The following OBSL1 variants were observed in gnomAD, a reference collection of about 807,000 sequenced individuals.
The protein encoded by OBSL1 is obscurin like cytoskeletal adaptor 1, also known as obscurin-like protein 1.
In OBSL1, 160 loss-of-function variants were observed where a neutral mutation model predicts 172.0. The ratio of observed to expected loss-of-function variants is 0.93; its 90% CI spans 0.82 to 1.06. OBSL1 has a LOEUF of 1.06. Among genes scored for constraint, OBSL1 ranks in the 50% least tolerant of loss-of-function variants. OBSL1 has a pLI of 0.00. For synonymous variants in OBSL1, 1,200 were observed against 1,196.3 expected (o/e 1.00, Z -0.06); for missense variants, 2,681 against 2,715.4 (o/e 0.99, Z 0.28).
At position 219,562,535 on chromosome 2, in the gene OBSL1, C is replaced by G; in HGVS notation, c.2820G>C (p.Glu940Asp). 1 of 1,613,958 alleles carries G rather than the reference C, an allele frequency of 6.2e-7. No individual in the cohort carries two copies. The highest frequency in any genetic ancestry group is 8.5e-7 in the Non-Finnish European group (1 of 1,179,892). ...CCTTCTGCAGGAGCAGCGCGGGGCT[C>G]TCCACCACCTCCTCTCCATCCTTGG... ...RWTKDGEEVV[E>D]SPALLLQKED... Residue 940 changes from glutamate to aspartate, a missense_variant, in exon 8 of 21, where the codon GAG (glutamate) becomes GAC (aspartate). Glu to Asp is a conservative substitution (Grantham distance 45, BLOSUM62 2). Coordinates refer to ENST00000404537, the MANE Select transcript of OBSL1 (RefSeq NM_015311.3).
chr2:219,551,440 G>T, intron 20 of OBSL1, 89 bp downstream of exon 20: 2 of 1,440,676 alleles, frequency 1.4e-6, no homozygotes, highest in Non-Finnish European at 1.9e-6. Flanking sequence ...GCCACCCCAA[G>T]TTCTGGAAAG....
Position 219,567,487 on chromosome 2 carries a change from G to A in OBSL1, c.1623C>T (p.Pro541=), listed in dbSNP as rs752506766. The A allele has an allele frequency of 1.1e-5, 17 of 1,613,390 alleles. No individual in the cohort carries two copies. The East Asian group carries it at 1.1e-4, about 11-fold the overall frequency. Residue 541 remains proline, a synonymous_variant, in exon 4 of 21, where the codon CCC becomes CCT. Coordinates refer to ENST00000404537, the MANE Select transcript of OBSL1 (RefSeq NM_015311.3). ...KNTVLLTWKP[P]EPAPETPFIY... ...TGAATGGGGTCTCGGGAGCTGGCTC[G>A]GGAGGCTTCCAGGTCAACAGGACCG...
At chr2:219,555,892 G>A (rs558367673) in intron 14 of OBSL1, 128 bp downstream of exon 14, 3 of 1,476,152 alleles carry the variant, frequency 2.0e-6, no homozygotes, top group Non-Finnish European at 2.7e-6. Flanking sequence ...AGCTGCTGCT[G>A]GGACGGCCAT....
In OBSL1 at chr2:219,570,405, C is replaced by T; in HGVS notation, c.828G>A (p.Glu276=). Residue 276 remains glutamate, a synonymous_variant, in exon 1 of 21, where the codon GAG becomes GAA. Transcript: ENST00000404537. The part of the protein sequence containing the change: ...RCYVMGKPEP[E]IEWHWEGRPL... ...GGCGGCCCTCCCAGTGCCATTCGATCTCGGGCTCGGGCTTGCCCATCACGT... is the reference window on the plus strand; with the variant it reads ...GGCGGCCCTCCCAGTGCCATTCGATTTCGGGCTCGGGCTTGCCCATCACGT... The T allele has an allele frequency of 6.2e-7, 1 of 1,613,266 alleles. No homozygotes were observed. Among genetic ancestry groups the T allele is most frequent in the South Asian group, 1.1e-5 (1 of 91,084 alleles).
Position 219,550,856 on chromosome 2 carries a change from A to C in OBSL1, c.5684-14T>G. On this transcript the variant is annotated splice_polypyrimidine_tract_variant and intron_variant, in intron 20 of 20. Coordinates refer to ENST00000404537, the MANE Select transcript of OBSL1 (RefSeq NM_015311.3). ...TCTCCTAGTTGCCTGCAGAGGAATGACTCCACATGGGGCTGGGGAGAGAAG... is the reference window on the plus strand; with the variant it reads ...TCTCCTAGTTGCCTGCAGAGGAATGCCTCCACATGGGGCTGGGGAGAGAAG... The C allele has an allele frequency of 3.1e-6, 5 of 1,598,658 alleles. No individual in the cohort carries two copies. Among genetic ancestry groups the C allele is most frequent in the Non-Finnish European group, 4.3e-6 (5 of 1,173,908 alleles).
rs777459986 is a variant in OBSL1, at chr2:219,562,640, C to A, written c.2715G>T (p.Lys905Asn). Residue 905 changes from lysine to asparagine, a missense_variant, in exon 8 of 21, where the codon AAG becomes AAT. By Grantham distance (94) the Lys-to-Asn change is moderately conservative. Coordinates refer to ENST00000404537, the MANE Select transcript of OBSL1 (RefSeq NM_015311.3). ...CCAGGCGCACGGCTGCCACATACAC[C>A]TTGCCGCTGGGATACACGATCCACG... ...VSSWIVYPSG[K>N]VYVAAVRLER... is the part of the protein sequence containing the mutation. 6.4e-6 allele frequency: 10 copies of A among 1,572,758 alleles called. No individual in the cohort carries two copies. The highest frequency in any genetic ancestry group is 7.8e-6 in the Non-Finnish European group (9 of 1,159,918).
Position 219,568,170 on chromosome 2 carries a change from G to T in OBSL1, c.1167C>A (p.Ile389=), listed in dbSNP as rs771196625. The T allele has an allele frequency of 2.5e-6, 4 of 1,613,656 alleles. No individual in the cohort carries two copies. Among genetic ancestry groups the T allele is most frequent in the African/African-American group, 2.7e-5 (2 of 74,948 alleles). The change falls in exon 2 of 21, where the codon ATC becomes ATA. Residue 389 remains isoleucine, a synonymous_variant. Coordinates refer to ENST00000404537, the MANE Select transcript of OBSL1 (RefSeq NM_015311.3). This position sits in a 1 kb window ranked among gnomAD's most constrained non-coding sequence, Gnocchi z 4.1. ...TGAGGCGCCGGACAGTGCCCTCTTC[G>T]ATCTGCTCGTACTTGCGGCAGGGCA... ...RLLPCRKYEQ[I]EEGTVRRLII...
Position 219,551,096 on chromosome 2 carries a change from GA to G in OBSL1, c.5684-255del. ...GATGTCTCTTATGGGGAAGAGGAAA[GA>G]AAGAGGCTTCTGCCAAGGCTGACAT... is the stretch of plus-strand genomic sequence containing the variant. On this transcript the variant is annotated intron_variant, in intron 20 of 20. Transcript: ENST00000404537. 3 of 1,411,720 alleles carry G rather than the reference GA, an allele frequency of 2.1e-6. No individual in the cohort carries two copies. The South Asian group carries it at 4.7e-5, about 22-fold the overall frequency. 87.4% of individuals were successfully genotyped at this position (1,411,720 alleles called of 1,614,324 possible).
Position 219,562,408 on chromosome 2 carries a change from C to T in OBSL1, c.2947G>A (p.Val983Ile), listed in dbSNP as rs373898297. The T allele has an allele frequency of 7.3e-5, 118 of 1,613,294 alleles. 1 individual carries two copies. The highest frequency in any genetic ancestry group is 5.9e-4 in the South Asian group (54 of 91,042). The change falls in exon 8 of 21, where the codon GTC becomes ATC. Residue 983 changes from valine to isoleucine, a missense_variant. By Grantham distance (29) the Val-to-Ile change is conservative. This residue lies in a region of OBSL1 where 1,765 missense variants were observed against 1,748.3 expected (regional missense o/e 1.01). Coordinates refer to ENST00000404537, the MANE Select transcript of OBSL1 (RefSeq NM_015311.3). ...DDESASFTVT[V>I]TEPPVRIIYP... ...AGCTGGGCTGGGCCCACACCTGTGA[C>T]GGTGACAGTGAAGGAGGCCGACTCA...
intron 14 of OBSL1, chr2:219,555,257 T>G (rs1168838510): frequency 6.4e-6 from 1 of 155,130 alleles, no homozygotes; most frequent in Non-Finnish European, 1.4e-5. Flanking sequence ...AATTTTCATG[T>G]TATCTCAGTT....
Position 219,568,292 on chromosome 2 carries a change from C to T in OBSL1, c.1045G>A (p.Asp349Asn), listed in dbSNP as rs1411938991. The change falls in exon 2 of 21, where the codon GAC becomes AAC. Residue 349 changes from aspartate to asparagine, a missense_variant. Asp to Asn is a conservative substitution (Grantham distance 23, BLOSUM62 1). Transcript: ENST00000404537. The surrounding 1 kb of genome is among the most constrained non-coding windows in gnomAD (Gnocchi z 4.1). Reference protein sequence around the residue: ...PRLRFTRPLQDVEGREHGIAV... With the variant: ...PRLRFTRPLQNVEGREHGIAV... The stretch of plus-strand genomic sequence containing the variant: ...ATCCCGTGCTCACGGCCCTCCACGT[C>T]CTGCAGGGGCCGTGTGAACCGGAGG... 1.2e-6 allele frequency: 2 copies of T among 1,607,662 alleles called. No individual in the cohort carries two copies. The highest frequency in any genetic ancestry group is 1.7e-6 in the Non-Finnish European group (2 of 1,177,330).
rs1461033359 is a variant in OBSL1, at chr2:219,563,565, A to T, written c.2470T>A (p.Cys824Ser). 2.5e-6 allele frequency: 4 copies of T among 1,609,818 alleles called. No individual in the cohort carries two copies. The Middle Eastern group carries it at 6.6e-4, about 266-fold the overall frequency. The change falls in exon 7 of 21, where the codon TGT becomes AGT. Residue 824 changes from cysteine to serine, a missense_variant. By Grantham distance (112) the Cys-to-Ser change is moderately radical. Transcript: ENST00000404537. ...TCCACCTCACAGGCCAGCATGACAC[A>T]CTCGGAAGTTATGGCATGCACGAAC... ...HVFVHAITSE[C>S]VMLACEVDRE...
chr2:219,558,596 C>T, intron 9 of OBSL1, 137 bp from the exon 10 acceptor site: 1 of 1,067,376 alleles, frequency 9.4e-7, no homozygotes, highest in Non-Finnish European at 1.3e-6. Context: ...GGAGCAGCTG[C>T]TGTGTGCCAG....
In OBSL1 at chr2:219,557,965, G is replaced by A. The variant is rs905697174; in HGVS notation, c.3648C>T (p.Gly1216=). The A allele has an allele frequency of 1.8e-5, 29 of 1,608,840 alleles. No individual in the cohort carries two copies. The highest frequency in any genetic ancestry group is 2.2e-5 in the East Asian group (1 of 44,754). ...WSHNGRPVQE[G]EGLELHAEGP... is the part of the protein sequence containing the mutation. ...CCTCGGCATGGAGCTCTAGGCCCTC[G>A]CCCTCCTGCACGGGCCTCCCATTGT... The change falls in exon 11 of 21, where the codon GGC becomes GGT. Residue 1216 remains glycine (G), a synonymous_variant. Transcript: ENST00000404537.
chr2:219,562,258 G>T, intron 8 of OBSL1, 144 bp downstream of exon 8: 1 of 1,012,332 alleles, frequency 9.9e-7, no homozygotes, highest in Non-Finnish European at 1.5e-6. Flanking sequence ...AGGGGCCCTG[G>T]GCTCATCTCA....
chr2:219,558,299 C>T lies in OBSL1; in HGVS notation c.3387G>A (p.Leu1129=). 1 of 1,612,208 alleles carries T rather than the reference C, an allele frequency of 6.2e-7. No homozygotes were observed. The highest frequency in any genetic ancestry group is 2.2e-5 in the East Asian group (1 of 44,838). Residue 1129 remains leucine, a synonymous_variant, in exon 10 of 21, where the codon CTG becomes CTA. Transcript: ENST00000404537. Reference sequence around the variant, plus strand: ...GGGTGCGGGTGGGCCCCTCGGCACCCAGCTGCAGGGCATCTGATGCCTCCA... The same window carrying T: ...GGGTGCGGGTGGGCCCCTCGGCACCTAGCTGCAGGGCATCTGATGCCTCCA... ...LEVEASDALQ[L]GAEGPTRTLT... is the part of the protein sequence containing the mutation.
Position 219,554,554 on chromosome 2 carries a change from T to C in OBSL1, c.4796A>G (p.Asn1599Ser). Residue 1599 changes from asparagine (N) to serine (S), a missense_variant, in exon 15 of 21, where the codon AAT becomes AGT. Physicochemically the swap from Asn to Ser is conservative, Grantham distance 46. This residue lies in a region of OBSL1 where 1,765 missense variants were observed against 1,748.3 expected (regional missense o/e 1.01). Coordinates refer to ENST00000404537, the MANE Select transcript of OBSL1 (RefSeq NM_015311.3). ...GCCTGAGTCGGCCAGGCCCAGGCCA[T>C]TGAGTACCAGTCGGTGACGGTGGCC... is the stretch of plus-strand genomic sequence containing the variant. Reference protein sequence around the residue: ...SDGHRHRLVLNGLGLADSGCV... With the variant: ...SDGHRHRLVLSGLGLADSGCV... 6.2e-7 allele frequency: 1 copy of C among 1,613,504 alleles called. No homozygotes were observed. The highest frequency in any genetic ancestry group is 8.5e-7 in the Non-Finnish European group (1 of 1,179,868).
chr2:219,549,692 C>G (rs762258872), downstream of OBSL1: 26 of 1,610,206 alleles, frequency 1.6e-5, no homozygotes, highest in Middle Eastern at 1.7e-4. Flanking sequence ...CGGTGGGACT[C>G]ACACCTATGT....
downstream of OBSL1, chr2:219,547,774 C>A (rs375582524): frequency 1.9e-6 from 3 of 1,593,754 alleles, no homozygotes. Flanking sequence ...AGCCAGGCTC[C>A]GTGTGGGGTC....
Sources: gnomAD v4.1 joint callset for allele counts on GRCh38, gnomAD v4.1.1 for gene constraint, gnomAD v4.1.1 regional missense constraint, Gnocchi (gnomAD v3.1) non-coding constraint, MANE v1.5 for transcripts, NCBI Gene and HGNC (gene_info 2026-07-23, HGNC 2026-07-21) for gene names.